Variants in ADAD1 observed in about 807,000 individuals in gnomAD.
ADAD1 encodes the protein adenosine deaminase domain-containing protein 1.
In ADAD1, 46 loss-of-function variants were observed where a neutral mutation model predicts 66.8. The ratio of observed to expected loss-of-function variants is 0.69; its 90% CI spans 0.54 to 0.88. ADAD1 has a LOEUF of 0.88. ADAD1 is among the 40% of genes least tolerant of loss of function. The pLI, the probability that ADAD1 is intolerant of heterozygous loss-of-function variation, is 0.00. For missense variants in ADAD1, 617 were observed against 681.8 expected (o/e 0.91, Z 1.06); for synonymous variants, 248 against 229.4 (o/e 1.08, Z -0.73).
In ADAD1 at chr4:122,405,575, C is replaced by T. The variant is rs142909945; in HGVS notation, c.725-2333C>T. On this transcript the variant is annotated intron_variant, in intron 7 of 12. Transcript: ENST00000296513. ...TTGTTTTTTCTACCACAGTACCCTC[C>T]TGGTCTACCTGCTCTCCACCCTACC... Among the ~76,000 whole-genome samples, 550 of 152,262 alleles carry T rather than the reference C, an allele frequency of 3.6e-3. 2 individuals are homozygous for T. The highest frequency in any genetic ancestry group is 0.013 in the African/African-American group (521 of 41,550).
intron 4 of ADAD1, among the ~76,000 whole-genome samples, chr4:122,381,971 A>G (rs971861431): frequency 1.3e-5 from 2 of 152,244 alleles, no homozygotes; most frequent in African/African-American, 4.8e-5. Flanking sequence ...TAACATGTCA[A>G]GATTTTAGTA....
chr4:122,390,405 G>A (rs950093798), intron 5 of ADAD1, among the ~76,000 whole-genome samples: 1 of 152,140 alleles, frequency 6.6e-6, no homozygotes, highest in Non-Finnish European at 1.5e-5. Context: ...ACTTTGTCCT[G>A]TCTTGCTAGG....
rs1342489763 is a variant in ADAD1, at chr4:122,381,271, G to A, written c.361+91G>A. The A allele has an allele frequency of 2.6e-5, 32 of 1,251,274 alleles. 1 individual carries two copies. In the South Asian group the frequency reaches 5.5e-4, roughly 21 times the overall value. The allele number at this position is 1,251,274 out of a possible 1,614,324, so 77.5% of individuals were successfully genotyped here. On this transcript the variant is annotated intron_variant, in intron 4 of 12. Coordinates refer to ENST00000296513, the MANE Select transcript of ADAD1 (RefSeq NM_139243.4). ...TTTAGTTCTTTCTTCTAATATTGGA[G>A]TTAGGTAACTGATTGTATGTTTTCA...
intron 12 of ADAD1, among the ~76,000 whole-genome samples, chr4:122,425,027 G>T (rs1467053510): frequency 6.6e-6 from 1 of 152,066 alleles, no homozygotes; most frequent in Admixed American, 6.6e-5. Flanking sequence ...ATGTGTATGT[G>T]GGTGTAACAA....
At chr4:122,383,183 T>G (rs1266371860) in intron 4 of ADAD1, among the ~76,000 whole-genome samples, 2 of 152,178 alleles carry the variant, frequency 1.3e-5, no homozygotes, top group African/African-American at 4.8e-5. Context: ...AGTTTAATTC[T>G]TTAGTTTATC....
chr4:122,406,004 T>C (rs1302604957), intron 7 of ADAD1, among the ~76,000 whole-genome samples: 1 of 152,188 alleles, frequency 6.6e-6, no homozygotes, highest in Non-Finnish European at 1.5e-5. Flanking sequence ...GTTTTTTCTG[T>C]ATCTTGGCTA....
At chr4:122,413,345 T>G (rs1459095193) in intron 10 of ADAD1, among the ~76,000 whole-genome samples, 3 of 152,278 alleles carry the variant, frequency 2.0e-5, no homozygotes, top group Admixed American at 1.3e-4. Flanking sequence ...GTGGTGGAAT[T>G]TTTAAATTTA....
intron 9 of ADAD1, among the ~76,000 whole-genome samples, chr4:122,412,303 C>G (rs1237253339): frequency 2.0e-5 from 3 of 151,812 alleles, no homozygotes; most frequent in Non-Finnish European, 1.5e-5. Flanking sequence ...ATAGGGATAA[C>G]AATTAGTGTT....
chr4:122,414,283 G>GC (rs79693480), intron 10 of ADAD1, among the ~76,000 whole-genome samples: 7 of 118,790 alleles, frequency 5.9e-5, no homozygotes, highest in African/African-American at 2.1e-4. Flanking sequence ...TTTGGGGGGG[G>GC]GGGTACAACT....
At chr4:122,381,672 C>A (rs1656150394) in intron 4 of ADAD1, among the ~76,000 whole-genome samples, 1 of 152,128 alleles carries the variant, frequency 6.6e-6, no homozygotes, top group Non-Finnish European at 1.5e-5. Flanking sequence ...TAATCTGTAA[C>A]CATGCTGTGC....
chr4:122,384,034 T>A (rs1561529990), intron 5 of ADAD1, 68 bp downstream of exon 5: 1 of 1,374,044 alleles, frequency 7.3e-7, no homozygotes, highest in African/African-American at 1.5e-5. Context: ...CCTGAAAGAT[T>A]TATGTTAATG....
rs1796991191 is a variant in ADAD1, at chr4:122,421,292, A to T, written c.1519A>T (p.Ser507Cys). 6.2e-7 allele frequency: 1 copy of T among 1,603,984 alleles called. No individual in the cohort carries two copies. Among genetic ancestry groups the T allele is most frequent in the African/African-American group, 1.3e-5 (1 of 74,846 alleles). ...SPFKSGMSMA[S>C]RLCKAAMLSR... is the part of the protein sequence containing the mutation. ...ATTTAAAAGTGGTATGTCAATGGCA[A>T]GTCGGCTTTGTAAGGCTGCAATGTT... The change falls in exon 12 of 13, where the codon AGT becomes TGT. Residue 507 changes from serine to cysteine, a missense_variant. By Grantham distance (112) the Ser-to-Cys change is moderately radical. Coordinates refer to ENST00000296513, the MANE Select transcript of ADAD1 (RefSeq NM_139243.4).
intron 4 of ADAD1, among the ~76,000 whole-genome samples, chr4:122,383,284 G>T (rs1794991611): frequency 6.6e-6 from 1 of 152,054 alleles, no homozygotes; most frequent in Non-Finnish European, 1.5e-5. Context: ...TGCTTATAAT[G>T]CCCTGATAGT....
chr4:122,418,312 T>C (rs925445799), intron 11 of ADAD1, among the ~76,000 whole-genome samples: 1,547 of 123,134 alleles, frequency 0.013, 3 homozygotes, highest in Non-Finnish European at 0.017. Context: ...TTTTCTTTTT[T>C]TTTTTTTTTT....
chr4:122,410,971 G>C (rs1796441123), intron 8 of ADAD1, among the ~76,000 whole-genome samples: 1 of 152,148 alleles, frequency 6.6e-6, no homozygotes, highest in African/African-American at 2.4e-5. Flanking sequence ...ACTCTAATGT[G>C]AAACAAAAGT....
At chr4:122,389,836 G>A (rs774308628) in intron 5 of ADAD1, among the ~76,000 whole-genome samples, 2 of 151,968 alleles carry the variant, frequency 1.3e-5, no homozygotes, top group African/African-American at 4.8e-5. Context: ...CTTTAATTGG[G>A]GCATTTAACC....
At chr4:122,392,757 G>A (rs1795509373) in intron 5 of ADAD1, among the ~76,000 whole-genome samples, 1 of 152,130 alleles carries the variant, frequency 6.6e-6, no homozygotes, top group South Asian at 2.1e-4. Context: ...TGGTATATGG[G>A]GGATGTAGTG....
intron 5 of ADAD1, among the ~76,000 whole-genome samples, chr4:122,385,011 C>T (rs193223416): frequency 4.6e-5 from 7 of 152,242 alleles, no homozygotes; most frequent in African/African-American, 1.2e-4. Flanking sequence ...ATCTTTTTCC[C>T]TATAGTAAGC....
intron 5 of ADAD1, among the ~76,000 whole-genome samples, chr4:122,387,259 T>G (rs1008469537): frequency 6.6e-6 from 1 of 152,218 alleles, no homozygotes; most frequent in Non-Finnish European, 1.5e-5. Context: ...TTCACATTCC[T>G]TGTTAGTTGT....
Sources: allele counts gnomAD v4.1 joint callset (sites outside exome capture counted in the v4.1 genomes callset), GRCh38; gene constraint gnomAD v4.1.1; transcripts MANE v1.5; gene names NCBI Gene and HGNC (gene_info 2026-07-23, HGNC 2026-07-21).